Variants in LMNTD1 observed in about 807,000 individuals in gnomAD.
LMNTD1 encodes the protein lamin tail domain containing 1, also known as lamin tail domain-containing protein 1.
Under a neutral mutation model 50.9 loss-of-function variants are expected in LMNTD1, and 35 were observed. The observed-to-expected ratio is 0.69, with a 90% CI of 0.53 to 0.91. The LOEUF is 0.91. LMNTD1 is among the 40% of genes least tolerant of loss of function. The probability of loss-of-function intolerance (pLI) is 0.00; values close to 1 mark genes in which losing one functional copy is unlikely to be tolerated. For missense variants in LMNTD1, 470 were observed against 475.5 expected, an observed-to-expected ratio of 0.99 and a Z score of 0.11; for synonymous variants, 153 against 161.9, an observed-to-expected ratio of 0.94 and a Z score of 0.42.
At chr12:25,583,752 C>T (rs1241453300) in intron 1 of LMNTD1, among the ~76,000 whole-genome samples, 1 of 152,136 alleles carries the variant, frequency 6.6e-6, no homozygotes, top group East Asian at 1.9e-4. Context: ...TGGGGATGGG[C>T]TTAGACAGTG....
At chr12:25,508,102 G>A (rs1939958617) in intron 8 of LMNTD1, among the ~76,000 whole-genome samples, 1 of 83,142 alleles carries the variant, frequency 1.2e-5, no homozygotes, top group Non-Finnish European at 3.0e-5. Flanking sequence ...TCCCTTACCA[G>A]TTTTTATTGT....
At chr12:25,537,690 C>T (rs1470506292) in intron 4 of LMNTD1, among the ~76,000 whole-genome samples, 9 of 152,296 alleles carry the variant, frequency 5.9e-5, no homozygotes, top group East Asian at 3.9e-4. Context: ...AGGAACGCAG[C>T]TCCTCACCAG....
In LMNTD1 at chr12:25,643,863, G is replaced by A. The variant is rs368377654; in HGVS notation, c.58+4631C>T. On this transcript the variant is annotated intron_variant, in intron 1 of 7. Transcript: ENST00000445693. ...CAAAATTCAGGGTGTCGGATGAATGGCAAATGGCACATAGCTGACATTTAT... is the reference window on the plus strand; with the variant it reads ...CAAAATTCAGGGTGTCGGATGAATGACAAATGGCACATAGCTGACATTTAT... Among the ~76,000 whole-genome samples the A allele has an allele frequency of 2.1e-4, 32 of 152,256 alleles. 1 individual carries two copies. Among genetic ancestry groups the A allele is most frequent in the African/African-American group, 7.5e-4 (31 of 41,518 alleles).
intron 1 of LMNTD1, among the ~76,000 whole-genome samples, chr12:25,589,483 G>C (rs916926005): frequency 3.3e-5 from 5 of 152,184 alleles, no homozygotes; most frequent in Non-Finnish European, 5.9e-5. Context: ...GATGGAGGGA[G>C]ACACAGGTGA....
intron 1 of LMNTD1, among the ~76,000 whole-genome samples, chr12:25,595,138 G>A (rs748687676): frequency 2.0e-5 from 3 of 151,606 alleles, no homozygotes; most frequent in Non-Finnish European, 4.4e-5. Context: ...TAATAGTGGG[G>A]GACTTCAATA....
intron 1 of LMNTD1, among the ~76,000 whole-genome samples, chr12:25,611,321 G>A (rs1380877164): frequency 6.6e-6 from 1 of 152,222 alleles, no homozygotes; most frequent in Non-Finnish European, 1.5e-5. Context: ...TTACTAATCA[G>A]TGCAAGAAGA....
intron 4 of LMNTD1, among the ~76,000 whole-genome samples, chr12:25,534,686 A>C (rs1400833534): frequency 6.6e-6 from 1 of 152,226 alleles, no homozygotes; most frequent in African/African-American, 2.4e-5. Flanking sequence ...AAAAGATTAG[A>C]AGGAACAGTA....
At chr12:25,546,328 T>A (rs1401079386) in intron 4 of LMNTD1, 46 bp downstream of exon 4, 1 of 1,274,070 alleles carries the variant, frequency 7.8e-7, no homozygotes, top group South Asian at 1.7e-5. Context: ...GATTTATTGG[T>A]CCTACCCCGA....
In LMNTD1 at chr12:25,526,131, A is replaced by C. The variant is rs1286507035; in HGVS notation, c.766T>G (p.Cys256Gly). The C allele has an allele frequency of 6.2e-6, 10 of 1,608,930 alleles. No homozygotes were observed. The South Asian group carries it at 1.1e-4, about 18-fold the overall frequency. ...TTCGGTTTGCACAGGATTGTTATACAATCAGGACTTGCTCTAAACTTGTCT... is the reference window on the plus strand; with the variant it reads ...TTCGGTTTGCACAGGATTGTTATACCATCAGGACTTGCTCTAAACTTGTCT... Reference protein sequence around the residue: ...EQDKFRASPDCITILCKPNGQ... With the variant: ...EQDKFRASPDGITILCKPNGQ... Residue 256 changes from cysteine to glycine, a missense_variant, in exon 6 of 10, where the codon TGT becomes GGT. By Grantham distance (159) the Cys-to-Gly change is radical. Coordinates refer to ENST00000458174, the MANE Select transcript of LMNTD1 (RefSeq NM_001145728.2).
At chr12:25,611,273 G>A (rs1946236988) in intron 1 of LMNTD1, among the ~76,000 whole-genome samples, 1 of 152,104 alleles carries the variant, frequency 6.6e-6, no homozygotes, top group Non-Finnish European at 1.5e-5. Context: ...AGATCATGAG[G>A]GCAAGGAGAC....
chr12:25,550,515 G>C (rs922901048), intron 2 of LMNTD1, among the ~76,000 whole-genome samples: 1 of 152,046 alleles, frequency 6.6e-6, no homozygotes, highest in African/African-American at 2.4e-5. Flanking sequence ...CCCCTTTCTG[G>C]GGGTCCACAT....
chr12:25,543,577 T>C (rs547393192), intron 4 of LMNTD1, among the ~76,000 whole-genome samples: 327 of 151,704 alleles, frequency 2.2e-3, no homozygotes, highest in Middle Eastern at 0.01. Flanking sequence ...TTGGTCTCAA[T>C]TTCATTTATT....
In LMNTD1 at chr12:25,552,992, A is replaced by T. The variant is rs747381698; in HGVS notation, c.-30-3T>A. 1 of 1,610,546 alleles carries T rather than the reference A, an allele frequency of 6.2e-7. No homozygotes were observed. The highest frequency in any genetic ancestry group is 2.2e-5 in the East Asian group (1 of 44,800). On this transcript the variant is annotated splice_region_variant and splice_polypyrimidine_tract_variant and intron_variant, in intron 1 of 9. Transcript: ENST00000458174. Reference sequence around the variant, plus strand: ...AGAAAAGAAGTCTCTTTTCTTTCCTAGGAAAGCAGATCATGACATCAGATG... The same window carrying T: ...AGAAAAGAAGTCTCTTTTCTTTCCTTGGAAAGCAGATCATGACATCAGATG...
chr12:25,615,698 C>T (rs1040682983), intron 1 of LMNTD1, among the ~76,000 whole-genome samples: 69 of 152,146 alleles, frequency 4.5e-4, no homozygotes, highest in African/African-American at 1.6e-3. Flanking sequence ...TGAGTTCAAG[C>T]GATCTGCCTG....
chr12:25,520,262 C>CT (rs1041977018), intron 6 of LMNTD1, among the ~76,000 whole-genome samples, 187 bp from the exon 7 acceptor site: 19 of 149,636 alleles, frequency 1.3e-4, no homozygotes, highest in African/African-American at 4.7e-4. Context: ...CTAAAATCTA[C>CT]TTAACAAAAA....
At chr12:25,599,596 A>T (rs534466930) in intron 1 of LMNTD1, among the ~76,000 whole-genome samples, 1 of 152,210 alleles carries the variant, frequency 6.6e-6, no homozygotes, top group South Asian at 2.1e-4. Flanking sequence ...AAACAAATTC[A>T]ATAAAGTTGT....
upstream of LMNTD1, among the ~76,000 whole-genome samples, chr12:25,555,751 A>G (rs1271778808): frequency 6.6e-6 from 1 of 152,176 alleles, no homozygotes; most frequent in Non-Finnish European, 1.5e-5. Context: ...ATTAAAGCTG[A>G]GTAATAGTTA....
rs71065950 is a variant in LMNTD1, at chr12:25,520,145, CAT to C, written c.799-72_799-71del. ...TTACAACATGCTGTTATGAGATATA[CAT>C]ATATATATATATATATATATATATA... On this transcript the variant is annotated intron_variant, in intron 6 of 9. Coordinates refer to ENST00000458174, the MANE Select transcript of LMNTD1 (RefSeq NM_001145728.2). The C allele has an allele frequency of 6.3e-3, 1,465 of 234,084 alleles. 30 individuals carry two copies. Among genetic ancestry groups the C allele is most frequent in the African/African-American group, 0.045 (1,277 of 28,382 alleles). The allele number at this position is 234,084 out of a possible 1,614,324, so 14.5% of individuals were successfully genotyped here.
intron 4 of LMNTD1, among the ~76,000 whole-genome samples, chr12:25,542,843 T>A (rs977077767): frequency 2.7e-5 from 4 of 150,346 alleles, no homozygotes; most frequent in Non-Finnish European, 4.4e-5. Context: ...GAAACCAATA[T>A]AACCAAACAC....
Sources: gnomAD v4.1 joint callset for allele counts (sites outside exome capture counted in the v4.1 genomes callset) on GRCh38, gnomAD v4.1.1 for gene constraint, MANE v1.5 for transcripts, NCBI Gene and HGNC (gene_info 2026-07-23, HGNC 2026-07-21) for gene names.